ERCC6L2: variants seen among roughly 807,000 people sequenced by gnomAD.
ERCC6L2 encodes the protein DNA excision repair protein ERCC-6-like 2.
A neutral mutation model predicts 132.0 loss-of-function variants in ERCC6L2; 77 were observed. The observed-to-expected ratio is 0.58, with a 90% CI of 0.49 to 0.71. The LOEUF (loss-of-function observed/expected upper bound fraction) is 0.71. ERCC6L2 is among the 30% of genes least tolerant of loss of function. ERCC6L2 has a pLI of 0.00. For synonymous variants in ERCC6L2, 583 were observed against 632.4 expected (o/e 0.92, Z 1.17); for missense variants, 1,542 against 1,837.6 (o/e 0.84, Z 2.94).
Position 96,017,628 on chromosome 9 carries a change from C to T in ERCC6L2, c.*4425C>T, listed in dbSNP as rs1203140330. ...AGGTTTGTCCCTGGGCAGGACCCAC[C>T]TGCCTGACCTTCTGTCCCCCTGGGA... On this transcript the variant is annotated 3_prime_UTR_variant, in exon 19 of 19. Transcript: ENST00000653738. Among the ~76,000 whole-genome samples the T allele has an allele frequency of 6.6e-6, 1 of 152,226 alleles. No individual in the cohort carries two copies.
chr9:95,879,906 A>G (rs895026047), intron 1 of ERCC6L2, among the ~76,000 whole-genome samples: 2 of 152,162 alleles, frequency 1.3e-5, no homozygotes, highest in African/African-American at 4.8e-5. Context: ...TAGCCATAGA[A>G]TTATTTTTGG....
At chr9:95,958,537 T>G (rs1831732178) in intron 13 of ERCC6L2, among the ~76,000 whole-genome samples, 1 of 152,206 alleles carries the variant, frequency 6.6e-6, no homozygotes, top group Non-Finnish European at 1.5e-5. Context: ...GACTTTTTAA[T>G]GATTGCCATT....
At position 95,959,365 on chromosome 9, in the gene ERCC6L2, A is replaced by C. The variant is rs568655878; in HGVS notation, c.1947+3352A>C. Among the ~76,000 whole-genome samples the C allele has an allele frequency of 2.6e-4, 39 of 152,060 alleles. 1 individual carries two copies. The East Asian group carries it at 3.5e-3, about 14-fold the overall frequency. ...AAACTGGATCCCTTCCTTACACCTTATACAAAAATTAATTCAAGATGGATT... is the reference window on the plus strand; with the variant it reads ...AAACTGGATCCCTTCCTTACACCTTCTACAAAAATTAATTCAAGATGGATT... On this transcript the variant is annotated intron_variant, in intron 13 of 18. Coordinates refer to ENST00000653738, the MANE Select transcript of ERCC6L2 (RefSeq NM_020207.7).
In ERCC6L2 at chr9:96,017,576, A is replaced by G. The variant is rs1834208354; in HGVS notation, c.*4373A>G. Among the ~76,000 whole-genome samples, 1 of 152,214 alleles carries G rather than the reference A, an allele frequency of 6.6e-6. No individual in the cohort carries two copies. The highest frequency in any genetic ancestry group is 1.5e-5 in the Non-Finnish European group (1 of 68,044). ...ACCCTTTTTGTTTTTGCAGTTTCAC[A>G]GGAATTCTGATGTGCCAGTGATTGT... is the stretch of plus-strand genomic sequence containing the variant. On this transcript the variant is annotated 3_prime_UTR_variant, in exon 19 of 19. Transcript: ENST00000653738.
intron 8 of ERCC6L2, 57 bp from the exon 9 acceptor site, chr9:95,923,203 A>G: frequency 6.5e-7 from 1 of 1,548,804 alleles, no homozygotes; most frequent in South Asian, 1.3e-5. Context: ...ATTTCAATTT[A>G]TACAGGTTTG....
intron 11 of ERCC6L2, among the ~76,000 whole-genome samples, chr9:95,931,778 T>C (rs570179307): frequency 2.1e-4 from 31 of 151,208 alleles, no homozygotes; most frequent in African/African-American, 7.6e-4. Context: ...GATATTTGAG[T>C]CTTGGTGTGG....
exon 20 of ERCC6L2, chr9:96,038,995 G>A (rs80355294): frequency 0.096 from 43,448 of 452,460 alleles, 2,318 homozygotes; most frequent in African/African-American, 0.13. Context: ...GCCCACAGCC[G>A]TGGAGATGAA....
At chr9:96,007,051 T>G (rs1329657833) in intron 18 of ERCC6L2, among the ~76,000 whole-genome samples, 1 of 152,106 alleles carries the variant, frequency 6.6e-6, no homozygotes, top group Non-Finnish European at 1.5e-5. Flanking sequence ...GCAAGGAAGC[T>G]GAAGAATGTT....
intron 17 of ERCC6L2, among the ~76,000 whole-genome samples, chr9:95,979,282 G>A (rs1419378742): frequency 6.6e-6 from 1 of 152,162 alleles, no homozygotes; most frequent in African/African-American, 2.4e-5. Context: ...TTAATGTCTG[G>A]AAGCCAGGGA....
At chr9:95,961,047 A>G (rs556575440) in intron 13 of ERCC6L2, among the ~76,000 whole-genome samples, 12 of 152,186 alleles carry the variant, frequency 7.9e-5, no homozygotes, top group Non-Finnish European at 1.5e-4. Context: ...AGAGAAAATG[A>G]CAGATGAATA....
chr9:95,922,828 T>C (rs988010481), intron 8 of ERCC6L2, among the ~76,000 whole-genome samples: 2 of 152,190 alleles, frequency 1.3e-5, no homozygotes, highest in African/African-American at 2.4e-5. Context: ...AATCAGTAAT[T>C]TCAAAGTTTA....
At chr9:95,964,469 G>A (rs1275782418) in intron 13 of ERCC6L2, among the ~76,000 whole-genome samples, 1 of 152,078 alleles carries the variant, frequency 6.6e-6, no homozygotes, top group Admixed American at 6.6e-5. Flanking sequence ...AATCACAAGG[G>A]ATTTTTTATA....
At chr9:95,909,517 T>C (rs2132673064) in intron 4 of ERCC6L2, among the ~76,000 whole-genome samples, 1 of 152,276 alleles carries the variant, frequency 6.6e-6, no homozygotes, top group South Asian at 2.1e-4. Flanking sequence ...TATAGGTGAG[T>C]TTAAGCTATT....
chr9:95,929,902 C>T (rs78211474), intron 11 of ERCC6L2, among the ~76,000 whole-genome samples: 1 of 152,156 alleles, frequency 6.6e-6, no homozygotes, highest in Non-Finnish European at 1.5e-5. Context: ...AGTCTCTTAT[C>T]CTTCTTCTGC....
At chr9:95,928,235 T>C in intron 10 of ERCC6L2, 85 bp downstream of exon 10, 1 of 841,804 alleles carries the variant, frequency 1.2e-6, no homozygotes, top group Non-Finnish European at 1.9e-6. Context: ...CATGACACCT[T>C]ACAGCCACAT....
Position 95,904,433 on chromosome 9 carries a change from C to G in ERCC6L2, c.595-2645C>G, listed in dbSNP as rs141682210. 2.7e-3 allele frequency among the ~76,000 whole-genome samples: 412 copies of G among 152,148 alleles called. 1 individual carries two copies. The highest frequency in any genetic ancestry group is 9.5e-3 in the African/African-American group (395 of 41,524). ...TTAAGGTAAATAAAGTTACACATCT[C>G]AAGGACGTAGACTTTTTGATTGAAG... On this transcript the variant is annotated intron_variant, in intron 3 of 18. Coordinates refer to ENST00000653738, the MANE Select transcript of ERCC6L2 (RefSeq NM_020207.7).
chr9:95,939,278 T>G (rs1830691918), intron 11 of ERCC6L2, among the ~76,000 whole-genome samples: 3 of 151,698 alleles, frequency 2.0e-5, no homozygotes, highest in Non-Finnish European at 3.0e-5. Context: ...CCAAGCCTTA[T>G]TCTGCTTTTT....
chr9:95,889,342 C>A (rs1053039816), intron 2 of ERCC6L2, among the ~76,000 whole-genome samples: 3 of 152,104 alleles, frequency 2.0e-5, no homozygotes, highest in Non-Finnish European at 4.4e-5. Context: ...AAGAGCAAAT[C>A]AGTGGATTTG....
chr9:95,964,858 A>G lies in ERCC6L2; in HGVS notation c.1948-1704A>G, dbSNP rs902440613. 3.3e-5 allele frequency among the ~76,000 whole-genome samples: 5 copies of G among 152,192 alleles called. No homozygotes were observed. The East Asian group carries it at 9.6e-4, about 29-fold the overall frequency. On this transcript the variant is annotated intron_variant, in intron 13 of 18. Coordinates refer to ENST00000653738, the MANE Select transcript of ERCC6L2 (RefSeq NM_020207.7). ...TTTACTGGAGCCACTTTAGTACAAA[A>G]TAATGTGCTTTTTATAAATTTTGTA...
Sources: gnomAD v4.1 joint callset for allele counts (sites outside exome capture counted in the v4.1 genomes callset) on GRCh38, gnomAD v4.1.1 for gene constraint, MANE v1.5 for transcripts, NCBI Gene and HGNC (gene_info 2026-07-23, HGNC 2026-07-21) for gene names.